Variants in PLOD2 observed in about 807,000 individuals in gnomAD.
PLOD2 encodes the protein procollagen-lysine,2-oxoglutarate 5-dioxygenase 2, also known as lysine hydroxylase 2.
In PLOD2, 65 loss-of-function variants were observed where a neutral mutation model predicts 101.0. The observed-to-expected ratio is 0.64, with a 90% CI of 0.53 to 0.79. The LOEUF (loss-of-function observed/expected upper bound fraction) is 0.79. PLOD2 is among the 30% of genes least tolerant of loss of function. The pLI is 0.00. For missense variants in PLOD2, 909 were observed against 914.6 expected (o/e 0.99, Z 0.08); for synonymous variants, 314 against 302.9 (o/e 1.04, Z -0.38).
intron 6 of PLOD2, among the ~76,000 whole-genome samples, chr3:146,103,716 T>A (rs1178164994): frequency 2.0e-5 from 3 of 152,102 alleles, no homozygotes; most frequent in African/African-American, 7.2e-5. Context: ...AGTATTTATG[T>A]GTTAATAAAT....
intron 1 of PLOD2, among the ~76,000 whole-genome samples, chr3:146,125,121 C>A (rs112799262): frequency 6.6e-6 from 1 of 151,952 alleles, no homozygotes; most frequent in South Asian, 2.1e-4. Context: ...AGGACCTACA[C>A]ACTAAGAAAG....
chr3:146,124,676 T>C (rs929218863), intron 1 of PLOD2, among the ~76,000 whole-genome samples: 24 of 151,950 alleles, frequency 1.6e-4, no homozygotes, highest in Non-Finnish European at 1.5e-4. Context: ...AAAAAACAGA[T>C]ACAATCATTA....
intron 1 of PLOD2, among the ~76,000 whole-genome samples, chr3:146,140,686 T>C (rs1431373552): frequency 4.6e-5 from 7 of 152,144 alleles, no homozygotes; most frequent in African/African-American, 1.2e-4. Flanking sequence ...AATTAAACCA[T>C]GGTGCCTTTC....
At chr3:146,112,029 T>C (rs1937657288) in intron 3 of PLOD2, among the ~76,000 whole-genome samples, 1 of 152,076 alleles carries the variant, frequency 6.6e-6, no homozygotes, top group Non-Finnish European at 1.5e-5. Context: ...CATCTTACGA[T>C]TGGAGACTCT....
chr3:146,127,059 C>T (rs1247216647), intron 1 of PLOD2, among the ~76,000 whole-genome samples: 1 of 152,100 alleles, frequency 6.6e-6, no homozygotes, highest in Non-Finnish European at 1.5e-5. Context: ...CCAAGTCCCT[C>T]GTTCAGTTAC....
intron 10 of PLOD2, 28 bp from the exon 11 acceptor site, chr3:146,085,301 G>A (rs1376740465): frequency 2.7e-6 from 3 of 1,094,306 alleles, no homozygotes; most frequent in Admixed American, 1.7e-5. Flanking sequence ...AATGAAATGG[G>A]CATGACATAA....
chr3:146,151,575 A>G (rs2032056979), intron 1 of PLOD2, among the ~76,000 whole-genome samples: 1 of 152,158 alleles, frequency 6.6e-6, no homozygotes, highest in African/African-American at 2.4e-5. Flanking sequence ...GACGAGGCTC[A>G]AGAATCGGCT....
intron 1 of PLOD2, among the ~76,000 whole-genome samples, chr3:146,129,283 T>C (rs754208174): frequency 3.9e-5 from 6 of 152,176 alleles, no homozygotes; most frequent in Non-Finnish European, 5.9e-5. Flanking sequence ...CACTGTCTAA[T>C]ACAATTTGAT....
intron 1 of PLOD2, among the ~76,000 whole-genome samples, chr3:146,126,968 G>A (rs2030603149): frequency 6.6e-6 from 1 of 151,940 alleles, no homozygotes; most frequent in African/African-American, 2.4e-5. Context: ...TACTGAAACT[G>A]CATTTTTTGT....
At chr3:146,113,156 A>G (rs1195693792) in intron 3 of PLOD2, among the ~76,000 whole-genome samples, 2 of 152,214 alleles carry the variant, frequency 1.3e-5, no homozygotes, top group Admixed American at 1.3e-4. Context: ...AGCGTTTTAT[A>G]AGCCTGTATT....
intron 3 of PLOD2, among the ~76,000 whole-genome samples, chr3:146,120,904 G>A (rs1218065956): frequency 6.6e-6 from 1 of 152,000 alleles, no homozygotes; most frequent in Non-Finnish European, 1.5e-5. Flanking sequence ...TGTATTTTTA[G>A]TAGAGACAGG....
intron 1 of PLOD2, among the ~76,000 whole-genome samples, chr3:146,159,519 G>A (rs1012468255): frequency 1.3e-5 from 2 of 152,148 alleles, no homozygotes; most frequent in African/African-American, 4.8e-5. Context: ...CTCCTTGGGT[G>A]TTTCAACAAA....
intron 1 of PLOD2, among the ~76,000 whole-genome samples, chr3:146,134,006 C>T (rs193044189): frequency 5.3e-5 from 8 of 152,024 alleles, no homozygotes; most frequent in African/African-American, 1.9e-4. Context: ...CCAGTAGGTT[C>T]AGGGGTCTAG....
intron 3 of PLOD2, among the ~76,000 whole-genome samples, chr3:146,118,194 T>C (rs527857832): frequency 1.3e-5 from 2 of 152,268 alleles, no homozygotes; most frequent in African/African-American, 2.4e-5. Flanking sequence ...ATGAACTTGG[T>C]ATTCTTTTTC....
At chr3:146,139,259 C>CTAA (rs1356409361) in intron 1 of PLOD2, among the ~76,000 whole-genome samples, 5 of 152,048 alleles carry the variant, frequency 3.3e-5, no homozygotes, top group Admixed American at 6.6e-5. Flanking sequence ...TTTCATAAGA[C>CTAA]TAATCTTAAA....
At chr3:146,071,795 A>G (rs1169453229) in intron 17 of PLOD2, among the ~76,000 whole-genome samples, 2 of 151,664 alleles carry the variant, frequency 1.3e-5, no homozygotes, top group Non-Finnish European at 1.5e-5. Context: ...TACACTTAGC[A>G]TATCTGCTGT....
chr3:146,124,575 C>T (rs1216058502), intron 1 of PLOD2, among the ~76,000 whole-genome samples: 1 of 152,042 alleles, frequency 6.6e-6, no homozygotes, highest in Non-Finnish European at 1.5e-5. Context: ...AATCAACAAA[C>T]TTCAACATCA....
chr3:146,131,256 T>C (rs964642436), intron 1 of PLOD2, among the ~76,000 whole-genome samples: 1 of 152,224 alleles, frequency 6.6e-6, no homozygotes, highest in African/African-American at 2.4e-5. Flanking sequence ...TTTTTTCTCA[T>C]TGCTGATTTT....
chr3:146,112,577 G>C (rs1937690314), intron 3 of PLOD2, among the ~76,000 whole-genome samples: 1 of 152,056 alleles, frequency 6.6e-6, no homozygotes, highest in Non-Finnish European at 1.5e-5. Flanking sequence ...ATGAGGCCGG[G>C]CACAGTGGCT....
Sources: allele counts gnomAD v4.1 joint callset (sites outside exome capture counted in the v4.1 genomes callset), GRCh38; gene constraint gnomAD v4.1.1; transcripts MANE v1.5; gene names NCBI Gene and HGNC (gene_info 2026-07-23, HGNC 2026-07-21).